Variants in DNAH5 observed in about 807,000 individuals in gnomAD.
DNAH5 encodes axonemal beta dynein heavy chain 5.
In DNAH5, 372 loss-of-function variants were observed where a neutral mutation model predicts 518.2. The observed-to-expected ratio is 0.72, with a 90% CI of 0.66 to 0.78. The LOEUF (loss-of-function observed/expected upper bound fraction) is 0.78, where lower values mean the gene tolerates loss of function less well. Among genes scored for constraint, DNAH5 ranks in the 30% least tolerant of loss-of-function variants. The probability of loss-of-function intolerance (pLI) is 0.00; values close to 1 mark genes in which losing one functional copy is unlikely to be tolerated. For synonymous variants in DNAH5, 2,039 were observed against 2,025.9 expected, an observed-to-expected ratio of 1.01 and a Z score of -0.17; for missense variants, 5,523 against 5,687.0, an observed-to-expected ratio of 0.97 and a Z score of 0.93.
chr5:13,820,043 C>G (rs1215521187), intron 41 of DNAH5, among the ~76,000 whole-genome samples: 1 of 151,994 alleles, frequency 6.6e-6, no homozygotes, highest in African/African-American at 2.4e-5. Flanking sequence ...GAATTTGAGC[C>G]TTGATTTTTA....
intron 65 of DNAH5, among the ~76,000 whole-genome samples, chr5:13,740,691 G>A (rs901114127): frequency 1.3e-5 from 2 of 152,024 alleles, no homozygotes; most frequent in African/African-American, 4.8e-5. Context: ...CTTGCCTCAG[G>A]GCCTCTGCAT....
intron 47 of DNAH5, among the ~76,000 whole-genome samples, chr5:13,798,569 A>C (rs1022402946): frequency 3.3e-5 from 5 of 152,104 alleles, no homozygotes; most frequent in African/African-American, 1.2e-4. Flanking sequence ...TATCCAAAAG[A>C]TGTTTTATTT....
Position 13,721,208 on chromosome 5 carries a change from T to C in DNAH5, c.12071A>G (p.Tyr4024Cys), listed in dbSNP as rs1389508391. 2.5e-6 allele frequency: 4 copies of C among 1,614,066 alleles called. No homozygotes were observed. The highest frequency in any genetic ancestry group is 1.3e-5 in the African/African-American group (1 of 74,950). Residue 4024 changes from tyrosine (Y) to cysteine (C), a missense_variant, in exon 71 of 79, where the codon TAT becomes TGT. Tyr to Cys is a radical substitution (Grantham distance 194). Around this residue, in one of 3 missense-constraint regions of DNAH5, gnomAD observed 5,121 missense variants for 5,223.3 expected, o/e 0.98. Coordinates refer to ENST00000265104, the MANE Select transcript of DNAH5 (RefSeq NM_001369.3). ...KYIVDSMGEKYAEGVILDLEK... is the reference protein window; with the variant it reads ...KYIVDSMGEKCAEGVILDLEK... Reference sequence around the variant, plus strand: ...CAAGTCTAAAATAACACCTTCGGCATATTTTTCTCCCATGGAGTCCACGAT... The same window carrying C: ...CAAGTCTAAAATAACACCTTCGGCACATTTTTCTCCCATGGAGTCCACGAT...
intron 1 of DNAH5, among the ~76,000 whole-genome samples, chr5:13,961,802 C>G (rs1213868028): frequency 6.6e-6 from 1 of 152,152 alleles, no homozygotes; most frequent in African/African-American, 2.4e-5. Context: ...TCAACTCCCT[C>G]CCAACCTGAC....
intron 3 of DNAH5, among the ~76,000 whole-genome samples, chr5:13,926,961 C>T (rs747072732): frequency 2.1e-4 from 32 of 152,104 alleles, no homozygotes; most frequent in Admixed American, 6.5e-5. Context: ...AATGCCAGTT[C>T]GAATTTGCAT....
intron 70 of DNAH5, among the ~76,000 whole-genome samples, chr5:13,726,433 C>T (rs139456776): frequency 5.9e-5 from 9 of 152,200 alleles, no homozygotes; most frequent in East Asian, 5.8e-4. Flanking sequence ...CTAAAGGGAT[C>T]GGATGAAGAT....
rs1158598850 is a variant in DNAH5, at chr5:13,814,610, G to T, written c.7225C>A (p.Leu2409Ile). ...SSSILDWSPI[L>I]EGFLKKRSPQ... ...AAAGAAGGATTCAATTATACCTCAAGAATAGGACTCCAATCAAGGATAGAA... is the reference window on the plus strand; with the variant it reads ...AAAGAAGGATTCAATTATACCTCAATAATAGGACTCCAATCAAGGATAGAA... Residue 2409 changes from leucine (L) to isoleucine (I), a missense_variant, in exon 43 of 79, where the codon CTT (leucine) becomes ATT (isoleucine). Physicochemically the swap from Leu to Ile is conservative, Grantham distance 5. Coordinates refer to ENST00000265104, the MANE Select transcript of DNAH5 (RefSeq NM_001369.3). 1 of 1,613,508 alleles carries T rather than the reference G, an allele frequency of 6.2e-7. No individual in the cohort carries two copies. Among genetic ancestry groups the T allele is most frequent in the South Asian group, 1.1e-5 (1 of 91,062 alleles).
At chr5:13,977,331 G>A (rs773889332) in intron 1 of DNAH5, among the ~76,000 whole-genome samples, 67 of 152,150 alleles carry the variant, frequency 4.4e-4, no homozygotes, top group African/African-American at 1.2e-3. Flanking sequence ...TGTGAAGGAC[G>A]TGGGACGCAC....
chr5:14,004,543 C>T (rs998467811), intron 1 of DNAH5, among the ~76,000 whole-genome samples: 2 of 152,204 alleles, frequency 1.3e-5, no homozygotes, highest in African/African-American at 4.8e-5. Flanking sequence ...GGCAGCAGCA[C>T]ACTGTGGTGC....
At chr5:13,807,188 G>A (rs764450226) in intron 47 of DNAH5, among the ~76,000 whole-genome samples, 40 of 152,244 alleles carry the variant, frequency 2.6e-4, no homozygotes, top group African/African-American at 8.4e-4. Context: ...CAACAGGGAC[G>A]CATTAAAGAT....
rs753367747 is a variant in DNAH5 at position 13,911,428 on chromosome 5, G to A, written c.1602C>T (p.Asp534=). Residue 534 remains aspartate, a synonymous_variant, in exon 12 of 79, where the codon GAC becomes GAT. Coordinates refer to ENST00000265104, the MANE Select transcript of DNAH5 (RefSeq NM_001369.3). ...GCTTGCAAAACTCTTCGTAATCTTGGTCAAAATCCATTTTCCGCTGGTCTA... is the reference window on the plus strand; with the variant it reads ...GCTTGCAAAACTCTTCGTAATCTTGATCAAAATCCATTTTCCGCTGGTCTA... ...NFLDQRKMDF[D]QDYEEFCKQT... 4.4e-5 allele frequency: 71 copies of A among 1,613,784 alleles called. No homozygotes were observed. The highest frequency in any genetic ancestry group is 5.7e-5 in the Non-Finnish European group (67 of 1,179,966).
At chr5:13,813,430 G>GA (rs201129753) in intron 43 of DNAH5, among the ~76,000 whole-genome samples, 135 of 111,628 alleles carry the variant, frequency 1.2e-3, no homozygotes, top group African/African-American at 4.0e-3. Context: ...CTGGCTATGT[G>GA]AAAAAAAAAT....
In DNAH5 at chr5:13,786,302, T is replaced by C. The variant is rs1376774959; in HGVS notation, c.8697A>G (p.Pro2899=). 5 of 1,614,016 alleles carry C rather than the reference T, an allele frequency of 3.1e-6. No individual in the cohort carries two copies. The Admixed American group carries it at 5.0e-5, about 16-fold the overall frequency. ...ADAETPKIYE[P]IESFSHLKER... ...CTTTTAGGTGACTAAAAGATTCAAT[T>C]GGCTCATAAATTTTAGGTGTTTCAG... The change falls in exon 52 of 79, where the codon CCA becomes CCG. Residue 2899 remains proline, a synonymous_variant. Transcript: ENST00000265104.
At chr5:13,858,174 C>T (rs1028684525) in intron 30 of DNAH5, among the ~76,000 whole-genome samples, 5 of 152,088 alleles carry the variant, frequency 3.3e-5, no homozygotes, top group African/African-American at 1.2e-4. Flanking sequence ...AACCCAAATG[C>T]CCATCAATGT....
upstream of DNAH5, among the ~76,000 whole-genome samples, chr5:13,945,762 C>A (rs998934590): frequency 6.6e-6 from 1 of 152,126 alleles, no homozygotes; most frequent in Non-Finnish European, 1.5e-5. Flanking sequence ...AGTGTCACAA[C>A]ACGCGGCTAA....
intron 35 of DNAH5, 56 bp downstream of exon 35, chr5:13,839,300 C>T: frequency 1.9e-5 from 30 of 1,559,142 alleles, no homozygotes; most frequent in Non-Finnish European, 2.7e-5. Flanking sequence ...GCAAAAATCC[C>T]CTGAGCAACT....
At chr5:14,002,789 T>C (rs1784451719) in intron 1 of DNAH5, among the ~76,000 whole-genome samples, 1 of 151,948 alleles carries the variant, frequency 6.6e-6, no homozygotes, top group South Asian at 2.1e-4. Flanking sequence ...AATTTTAGGG[T>C]CTACTTCTTG....
intron 1 of DNAH5, among the ~76,000 whole-genome samples, chr5:13,973,249 G>T (rs192161551): frequency 6.6e-6 from 1 of 152,172 alleles, no homozygotes; most frequent in East Asian, 1.9e-4. Context: ...GGACCAAAAC[G>T]ATTCTCTCCT....
chr5:13,875,381 C>T (rs551032433), intron 22 of DNAH5, among the ~76,000 whole-genome samples: 4 of 148,550 alleles, frequency 2.7e-5, no homozygotes, highest in South Asian at 4.3e-4. Flanking sequence ...ACAGGAGAAT[C>T]GCTTGAACCT....
Sources: gnomAD v4.1 joint callset for allele counts (sites outside exome capture counted in the v4.1 genomes callset) on GRCh38, gnomAD v4.1.1 for gene constraint, gnomAD v4.1.1 regional missense constraint, MANE v1.5 for transcripts, NCBI Gene and HGNC (gene_info 2026-07-23, HGNC 2026-07-21) for gene names.